Variants in VPS35L observed in about 807,000 individuals in gnomAD.
VPS35L encodes the protein VPS35 endosomal protein-sorting factor-like.
Under a neutral mutation model 133.0 loss-of-function variants are expected in VPS35L, and 83 were observed. The ratio of observed to expected loss-of-function variants is 0.62; its 90% confidence interval spans 0.52 to 0.75. The LOEUF (loss-of-function observed/expected upper bound fraction) is 0.75. VPS35L is among the 30% of genes least tolerant of loss of function. The probability of loss-of-function intolerance (pLI) is 0.00; values close to 1 mark genes in which losing one functional copy is unlikely to be tolerated. For synonymous variants in VPS35L, 423 were observed against 449.9 expected, an observed-to-expected ratio of 0.94 and a Z score of 0.76; for missense variants, 1,083 against 1,206.8, an observed-to-expected ratio of 0.90 and a Z score of 1.52.
At position 19,699,498 on chromosome 16, in the gene VPS35L, T is replaced by A; in HGVS notation, c.2647-4T>A. On this transcript the variant is annotated splice_region_variant and splice_polypyrimidine_tract_variant and intron_variant, in intron 29 of 30. Coordinates refer to ENST00000417362, the MANE Select transcript of VPS35L (RefSeq NM_020314.7). The surrounding 1 kb of genome is among the most constrained non-coding windows in gnomAD (Gnocchi z 4.2). ...AAGGCAGTAACCTCCCTTTTCTGTT[T>A]CAGGCCCTGAAGCGCCAGAGCTCGT... 1 of 1,614,044 alleles carries A rather than the reference T, an allele frequency of 6.2e-7. No homozygotes were observed. Among genetic ancestry groups the A allele is most frequent in the Non-Finnish European group, 8.5e-7 (1 of 1,179,914 alleles).
At chr16:19,573,268 G>A in intron 4 of VPS35L, 27 bp downstream of exon 4, 1 of 1,607,334 alleles carries the variant, frequency 6.2e-7, no homozygotes, top group Non-Finnish European at 8.5e-7. Context: ...CCTCTCCAGA[G>A]TCTACTTTGG....
At chr16:19,673,482 C>T (rs1194523680) in intron 27 of VPS35L, among the ~76,000 whole-genome samples, 1 of 152,154 alleles carries the variant, frequency 6.6e-6, no homozygotes, top group Non-Finnish European at 1.5e-5. Flanking sequence ...TCCACTTGGC[C>T]CCTTAGGCAT....
At chr16:19,600,395 A>G (rs1309271810) in intron 8 of VPS35L, among the ~76,000 whole-genome samples, 1 of 152,248 alleles carries the variant, frequency 6.6e-6, no homozygotes, top group Non-Finnish European at 1.5e-5. Flanking sequence ...CACAGAATAA[A>G]TAAAACTTTT....
intron 18 of VPS35L, among the ~76,000 whole-genome samples, chr16:19,630,688 C>G (rs1973426800): frequency 6.6e-6 from 1 of 152,012 alleles, no homozygotes; most frequent in African/African-American, 2.4e-5. Context: ...TGTGCCCTCC[C>G]AAAATTCATA....
At chr16:19,587,088 G>A (rs1329343961) in intron 7 of VPS35L, among the ~76,000 whole-genome samples, 2 of 145,968 alleles carry the variant, frequency 1.4e-5, no homozygotes, top group African/African-American at 4.9e-5. Context: ...AGCAGAGCAG[G>A]AGAGAGAAAG....
chr16:19,647,271 C>A (rs569309822), intron 23 of VPS35L, among the ~76,000 whole-genome samples: 124 of 152,298 alleles, frequency 8.1e-4, no homozygotes, highest in Admixed American at 2.7e-3. Flanking sequence ...AGATATGAAA[C>A]ATGATAGCTG....
rs73533719 is a variant in VPS35L, at chr16:19,592,616, T to C, written c.724+742T>C. Among the ~76,000 whole-genome samples the C allele has an allele frequency of 1.6e-3, 237 of 152,024 alleles. 1 individual carries two copies. Among genetic ancestry groups the C allele is most frequent in the African/African-American group, 5.5e-3 (229 of 41,464 alleles). ...TCTTCCCCCACATGCCCATGTCCAG[T>C]CACCAGATTCTTCGGTTCAGCCTCC... On this transcript the variant is annotated intron_variant, in intron 8 of 30. Transcript: ENST00000417362.
At chr16:19,606,645 T>C (rs550919928) in intron 9 of VPS35L, among the ~76,000 whole-genome samples, 5 of 152,330 alleles carry the variant, frequency 3.3e-5, no homozygotes, top group African/African-American at 7.2e-5. Context: ...CACCTTCATA[T>C]ACTACCAAAT....
chr16:19,691,965 C>G (rs529420338), intron 29 of VPS35L, among the ~76,000 whole-genome samples: 8 of 151,910 alleles, frequency 5.3e-5, no homozygotes, highest in Non-Finnish European at 1.0e-4. Context: ...ACCTCCGCCT[C>G]CCGGGTTCAG....
In VPS35L at chr16:19,700,592, A is replaced by G. The variant is rs113459380; in HGVS notation, c.*116A>G. 177 of 851,722 alleles carry G rather than the reference A, an allele frequency of 2.1e-4. 1 individual carries two copies. In the African/African-American group the frequency reaches 2.4e-3, roughly 12 times the overall value. 52.8% of individuals were successfully genotyped at this position (851,722 alleles called of 1,614,324 possible). Reference sequence around the variant, plus strand: ...TCTCATTTTTCTTTTCTTTTTACATATGTACAAATTGTTTTAAGCTTTGGC... The same window carrying G: ...TCTCATTTTTCTTTTCTTTTTACATGTGTACAAATTGTTTTAAGCTTTGGC... On this transcript the variant is annotated 3_prime_UTR_variant, in exon 31 of 31. Coordinates refer to ENST00000417362, the MANE Select transcript of VPS35L (RefSeq NM_020314.7).
chr16:19,637,875 GTTTCATTCCTTACT>G (rs1377054029), intron 20 of VPS35L, among the ~76,000 whole-genome samples: 2 of 152,128 alleles, frequency 1.3e-5, no homozygotes, highest in South Asian at 4.1e-4. Flanking sequence ...TATTATTTCT[GTTTCATTCCTTACT>G]TATGGGATAT....
chr16:19,658,829 A>C (rs1162299410), intron 26 of VPS35L, among the ~76,000 whole-genome samples: 3 of 152,168 alleles, frequency 2.0e-5, no homozygotes, highest in Non-Finnish European at 4.4e-5. Context: ...GGAGGAGATC[A>C]AGTTAAGGTG....
intron 27 of VPS35L, among the ~76,000 whole-genome samples, chr16:19,679,785 G>A (rs1016835267): frequency 6.6e-6 from 1 of 152,148 alleles, no homozygotes; most frequent in Admixed American, 6.6e-5. Context: ...GATTACAGGC[G>A]TGAGCCACCG....
chr16:19,558,271 TAAC>T (rs1970922935), intron 1 of VPS35L, among the ~76,000 whole-genome samples: 1 of 152,250 alleles, frequency 6.6e-6, no homozygotes, highest in South Asian at 2.1e-4. Flanking sequence ...GCGTAACATG[TAAC>T]ATCATTAGGT....
At chr16:19,585,326 C>T (rs553136707) in intron 7 of VPS35L, among the ~76,000 whole-genome samples, 42 of 152,174 alleles carry the variant, frequency 2.8e-4, no homozygotes, top group African/African-American at 8.9e-4. Flanking sequence ...GATGGCTGCA[C>T]CATTTACCTG....
chr16:19,663,951 C>T (rs1974578149), intron 26 of VPS35L, among the ~76,000 whole-genome samples: 1 of 151,948 alleles, frequency 6.6e-6, no homozygotes, highest in Non-Finnish European at 1.5e-5. Context: ...GTTTTAATGG[C>T]TTTGTGTTCT....
intron 27 of VPS35L, among the ~76,000 whole-genome samples, chr16:19,681,401 C>A (rs117079951): frequency 0.014 from 2,081 of 152,278 alleles, 19 homozygotes; most frequent in Middle Eastern, 0.037. Flanking sequence ...CCTGCCGCTG[C>A]GGGTTCCAAT....
chr16:19,691,881 C>CTT (rs555976435), intron 29 of VPS35L, among the ~76,000 whole-genome samples: 12 of 144,332 alleles, frequency 8.3e-5, no homozygotes, highest in African/African-American at 2.5e-4. Flanking sequence ...CCTGGTGAGT[C>CTT]TTTTTTTTTT....
chr16:19,649,742 A>G (rs892963301), intron 24 of VPS35L, among the ~76,000 whole-genome samples: 2 of 152,208 alleles, frequency 1.3e-5, no homozygotes, highest in Admixed American at 6.5e-5. Context: ...TTTCATGTCT[A>G]TTCAAGGAGA....
Sources: allele counts gnomAD v4.1 joint callset (sites outside exome capture counted in the v4.1 genomes callset), GRCh38; gene constraint gnomAD v4.1.1; non-coding constraint Gnocchi (gnomAD v3.1); transcripts MANE v1.5; gene names NCBI Gene and HGNC (gene_info 2026-07-23, HGNC 2026-07-21).